The following DGKZ variants were observed in gnomAD, a reference collection of about 807,000 sequenced individuals.
DGKZ encodes the protein diacylglycerol kinase zeta.
In DGKZ, 45 loss-of-function variants were observed where a neutral mutation model predicts 142.5. That is an observed-to-expected ratio of 0.32 (90% CI 0.25 to 0.40). The LOEUF is 0.40. Ranked by LOEUF, DGKZ falls within the 10% of genes least tolerant of loss-of-function variation. The pLI, the probability that DGKZ is intolerant of heterozygous loss-of-function variation, is 1.00. For missense variants in DGKZ, 755 were observed against 1,306.5 expected, an observed-to-expected ratio of 0.58 and a Z score of 6.51; for synonymous variants, 442 against 527.0, an observed-to-expected ratio of 0.84 and a Z score of 2.21.
chr11:46,378,269 T>C (rs1283162258), intron 26 of DGKZ, 40 bp downstream of exon 26: 36 of 1,589,034 alleles, frequency 2.3e-5, no homozygotes, highest in Non-Finnish European at 2.7e-5. Flanking sequence ...TTCTGCCTGG[T>C]TGGGGGCAGG....
intron 16 of DGKZ, 69 bp downstream of exon 16, chr11:46,374,523 C>A: frequency 6.2e-7 from 1 of 1,612,636 alleles, no homozygotes; most frequent in South Asian, 1.1e-5. Context: ...CACCTGTGTC[C>A]ACCAGGCCCC....
exon 9 of DGKZ, chr11:46,371,712 G>A: frequency 6.2e-7 from 1 of 1,613,954 alleles, no homozygotes; most frequent in Non-Finnish European, 8.5e-7. Context: ...AGAATACTCT[G>A]AAAGCAAGCA....
upstream of DGKZ, among the ~76,000 whole-genome samples, chr11:46,344,489 T>C (rs947393608): frequency 1.3e-5 from 2 of 150,662 alleles, no homozygotes; most frequent in Non-Finnish European, 3.0e-5. Flanking sequence ...GTCTCACTCT[T>C]GTCACCCAGG....
At chr11:46,350,389 C>A (rs1278981080) in intron 1 of DGKZ, among the ~76,000 whole-genome samples, 2 of 152,004 alleles carry the variant, frequency 1.3e-5, no homozygotes, top group African/African-American at 4.8e-5. Flanking sequence ...AGGTAAAAGT[C>A]CTCGAAGCCC....
chr11:46,375,393 G>T (rs771468484), intron 19 of DGKZ, 39 bp from the exon 20 acceptor site: 1 of 1,536,800 alleles, frequency 6.5e-7, no homozygotes, highest in Non-Finnish European at 8.7e-7. Flanking sequence ...CCTGCCCCCA[G>T]CCCTGGTGCC....
At chr11:46,369,108 G>A (rs1943652586) in intron 4 of DGKZ, 2 of 297,914 alleles carry the variant, frequency 6.7e-6, no homozygotes, top group Admixed American at 9.6e-5. Flanking sequence ...CTCGGGAGGT[G>A]GAGGTTGCAG....
At chr11:46,334,715 A>C (rs1939927699) in intron 1 of DGKZ, among the ~76,000 whole-genome samples, 2 of 152,190 alleles carry the variant, frequency 1.3e-5, no homozygotes, top group South Asian at 2.1e-4. Context: ...GGGCTCCATT[A>C]CCAAGTTCTT....
chr11:46,336,169 G>A (rs1225046303), intron 1 of DGKZ, among the ~76,000 whole-genome samples: 1 of 152,226 alleles, frequency 6.6e-6, no homozygotes, highest in Non-Finnish European at 1.5e-5. Context: ...GGCTTTGGCA[G>A]GACACTAGAA....
At chr11:46,366,570 G>C in intron 1 of DGKZ, 1 of 1,605,546 alleles carries the variant, frequency 6.2e-7, no homozygotes, top group Non-Finnish European at 8.5e-7. Flanking sequence ...CAGCTTCTGG[G>C]TGCACCCCTG....
At chr11:46,377,483 C>T in intron 25 of DGKZ, 1 of 508,476 alleles carries the variant, frequency 2.0e-6, no homozygotes, top group Non-Finnish European at 3.3e-6. Context: ...CTGAGCACTC[C>T]TCCCCACCCC....
chr11:46,344,310 G>C (rs543602424), upstream of DGKZ, among the ~76,000 whole-genome samples: 1 of 152,156 alleles, frequency 6.6e-6, no homozygotes, highest in Non-Finnish European at 1.5e-5. Flanking sequence ...TGAGGACAGA[G>C]CCCTGCTTCC....
At chr11:46,345,354 C>T (rs574394365), upstream of DGKZ, 1 of 1,394,728 alleles carries the variant, frequency 7.2e-7, no homozygotes, top group Non-Finnish European at 9.2e-7. This position sits in a 1 kb window ranked among gnomAD's most constrained non-coding sequence, Gnocchi z 4.1. Context: ...CAGGCCCCCC[C>T]CTCGACCCCA....
intron 1 of DGKZ, among the ~76,000 whole-genome samples, chr11:46,340,577 G>C (rs527891287): frequency 1.3e-5 from 2 of 152,330 alleles, no homozygotes; most frequent in South Asian, 4.1e-4. Context: ...TCTTGCCTCA[G>C]CAGGAGAGGG....
intron 5 of DGKZ, 176 bp from the exon 6 acceptor site, chr11:46,369,765 C>T: frequency 1.1e-6 from 1 of 880,500 alleles, no homozygotes; most frequent in Admixed American, 2.3e-5. Context: ...CCTTCTCTGT[C>T]CCTCTGAGTC....
Position 46,347,484 on chromosome 11 carries a change from G to A in DGKZ, c.-176G>A. ...TGGCGGCACTTCCTGGAGCGGCGGC[G>A]GCAGCGGCTTCCCGGGCACCTGGGC... On this transcript the variant is annotated 5_prime_UTR_variant, in exon 1 of 31. Coordinates refer to ENST00000527911, the Ensembl canonical transcript of DGKZ. The surrounding 1 kb of genome is among the most constrained non-coding windows in gnomAD (Gnocchi z 6.4). 1 of 982,410 alleles carries A rather than the reference G, an allele frequency of 1.0e-6. No homozygotes were observed. 60.9% of individuals were successfully genotyped at this position (982,410 alleles called of 1,614,324 possible).
intron 25 of DGKZ, 32 bp downstream of exon 25, chr11:46,377,244 TG>T: frequency 6.5e-7 from 1 of 1,540,328 alleles, no homozygotes; most frequent in Non-Finnish European, 8.8e-7. Flanking sequence ...CTCCAGCCCC[TG>T]GCTTTCAGCC....
chr11:46,347,209 C>T (rs566771038), upstream of DGKZ, among the ~76,000 whole-genome samples: 2 of 152,238 alleles, frequency 1.3e-5, no homozygotes, highest in South Asian at 4.1e-4. The surrounding 1 kb of genome is among the most constrained non-coding windows in gnomAD (Gnocchi z 6.4). Flanking sequence ...CGTCTGGATG[C>T]GCGCAGTGCG....
intron 1 of DGKZ, among the ~76,000 whole-genome samples, chr11:46,339,546 C>T (rs1182960737): frequency 2.6e-5 from 4 of 152,344 alleles, no homozygotes; most frequent in East Asian, 1.9e-4. Flanking sequence ...CAGAGGCCAA[C>T]GTGCAGGGAT....
Position 46,347,570 on chromosome 11 carries a change from G to A in DGKZ, c.-90G>A. 9.4e-7 allele frequency: 1 copy of A among 1,069,260 alleles called. No individual in the cohort carries two copies. The highest frequency in any genetic ancestry group is 1.1e-6 in the Non-Finnish European group (1 of 884,838). The allele number at this position is 1,069,260 out of a possible 1,614,324, so 66.2% of individuals were successfully genotyped here. On this transcript the variant is annotated 5_prime_UTR_variant, in exon 1 of 31. Coordinates refer to ENST00000527911, the Ensembl canonical transcript of DGKZ. This position sits in a 1 kb window ranked among gnomAD's most constrained non-coding sequence, Gnocchi z 6.4. ...AGCGAGCGCGCGCCATGGAGGTGGC[G>A]GGCGGCGCGGAGCGGGCGTGCTGAG...
Sources: gnomAD v4.1 joint callset for allele counts (sites outside exome capture counted in the v4.1 genomes callset) on GRCh38, gnomAD v4.1.1 for gene constraint, Gnocchi (gnomAD v3.1) non-coding constraint, MANE v1.5 for transcripts, NCBI Gene and HGNC (gene_info 2026-07-23, HGNC 2026-07-21) for gene names.